FBXL17: variants seen among roughly 807,000 people sequenced by gnomAD.
FBXL17 encodes F-box and leucine rich repeat protein 17, also known as F-box/LRR-repeat protein 17.
In FBXL17, 22 loss-of-function variants were observed where a neutral mutation model predicts 66.2. The ratio of observed to expected loss-of-function variants is 0.33; its 90% CI spans 0.24 to 0.47. The LOEUF is 0.47. Ranked by LOEUF, FBXL17 falls within the 20% of genes least tolerant of loss-of-function variation. FBXL17 has a pLI of 1.00. For missense variants in FBXL17, 878 were observed against 948.2 expected (o/e 0.93, Z 0.97); for synonymous variants, 474 against 400.5 (o/e 1.18, Z -2.19).
At chr5:108,073,508 G>A (rs1397146045) in intron 6 of FBXL17, among the ~76,000 whole-genome samples, 2 of 151,820 alleles carry the variant, frequency 1.3e-5, no homozygotes, top group South Asian at 2.1e-4. Flanking sequence ...ATGAAGAAAC[G>A]AAAAATAACC....
In FBXL17 at chr5:108,009,288, T is replaced by TAGATAGATAG. The variant is rs1294587845; in HGVS notation, c.1822+11636_1822+11637insCTATCTATCT. Among the ~76,000 whole-genome samples the TAGATAGATAG allele has an allele frequency of 2.4e-4, 7 of 28,758 alleles. 1 individual carries two copies. Among genetic ancestry groups the TAGATAGATAG allele is most frequent in the Middle Eastern group, 0.016 (1 of 62 alleles). 18.9% of individuals were successfully genotyped at this position (28,758 alleles called of 152,430 possible). A position where few individuals can be genotyped will look rare whatever the true frequency, so the allele number is the denominator to read the frequency against. On this transcript the variant is annotated intron_variant, in intron 7 of 8. Coordinates refer to ENST00000542267, the MANE Select transcript of FBXL17 (RefSeq NM_001163315.3). ...ATATATATATATATATATATATATA[T>TAGATAGATAG]ATATATATATATACATATATACATA...
chr5:107,870,215 G>A (rs529397680), intron 8 of FBXL17, among the ~76,000 whole-genome samples: 1 of 152,214 alleles, frequency 6.6e-6, no homozygotes, highest in South Asian at 2.1e-4. Flanking sequence ...TTCTGTTCTT[G>A]GGGATCTGAA....
chr5:107,887,259 G>C (rs1206888818), intron 7 of FBXL17, among the ~76,000 whole-genome samples: 1 of 152,182 alleles, frequency 6.6e-6, no homozygotes, highest in Non-Finnish European at 1.5e-5. Context: ...ATAACAAAGT[G>C]AATGAATTAA....
chr5:107,895,719 C>G (rs960238097), intron 7 of FBXL17, among the ~76,000 whole-genome samples: 2 of 151,958 alleles, frequency 1.3e-5, no homozygotes, highest in Non-Finnish European at 2.9e-5. Flanking sequence ...TTTGATTGAC[C>G]GGGGTTGGTT....
At chr5:107,913,665 G>C (rs890919050) in intron 7 of FBXL17, among the ~76,000 whole-genome samples, 2 of 152,104 alleles carry the variant, frequency 1.3e-5, no homozygotes, top group Non-Finnish European at 2.9e-5. Flanking sequence ...GAGGGAGAAA[G>C]GAGCACACTC....
chr5:108,064,554 C>T (rs1380473736), intron 6 of FBXL17, among the ~76,000 whole-genome samples: 1 of 152,168 alleles, frequency 6.6e-6, no homozygotes, highest in Non-Finnish European at 1.5e-5. Context: ...CTAGTCTTAC[C>T]TCTGCACTCC....
chr5:108,346,125 A>G (rs1747264447), intron 4 of FBXL17, among the ~76,000 whole-genome samples: 1 of 152,192 alleles, frequency 6.6e-6, no homozygotes, highest in Non-Finnish European at 1.5e-5. Context: ...CTTCGCAAGT[A>G]TTTAAATATT....
intron 7 of FBXL17, among the ~76,000 whole-genome samples, chr5:107,961,930 T>C (rs1159894489): frequency 6.6e-6 from 1 of 152,176 alleles, no homozygotes; most frequent in Non-Finnish European, 1.5e-5. Flanking sequence ...TTTAAAATGA[T>C]ACTTTTATTT....
chr5:108,029,756 G>A (rs148189195), intron 6 of FBXL17, among the ~76,000 whole-genome samples: 123 of 151,976 alleles, frequency 8.1e-4, no homozygotes, highest in African/African-American at 2.9e-3. Context: ...CAAAAGAAAG[G>A]AAGATAGCTG....
At chr5:107,911,931 T>TA (rs1162037430) in intron 7 of FBXL17, among the ~76,000 whole-genome samples, 1 of 152,100 alleles carries the variant, frequency 6.6e-6, no homozygotes, top group Non-Finnish European at 1.5e-5. Flanking sequence ...TATACTTCAC[T>TA]AGTAATAAGG....
At chr5:108,031,332 G>T (rs1387765630) in intron 6 of FBXL17, among the ~76,000 whole-genome samples, 1 of 152,074 alleles carries the variant, frequency 6.6e-6, no homozygotes, top group African/African-American at 2.4e-5. Context: ...GAAAGGCAAT[G>T]AGGGTAAAAA....
At chr5:108,283,241 A>AT (rs1274982846) in intron 4 of FBXL17, among the ~76,000 whole-genome samples, 5 of 151,910 alleles carry the variant, frequency 3.3e-5, no homozygotes, top group Non-Finnish European at 7.4e-5. Context: ...ACATTAGCTG[A>AT]TATCAAATTA....
chr5:107,872,832 G>A (rs1339107858), intron 8 of FBXL17, among the ~76,000 whole-genome samples: 2 of 152,210 alleles, frequency 1.3e-5, no homozygotes, highest in African/African-American at 2.4e-5. Flanking sequence ...TTACAGATGA[G>A]GGAATGGCGG....
At chr5:107,946,141 T>A (rs1219541442) in intron 7 of FBXL17, among the ~76,000 whole-genome samples, 1 of 150,196 alleles carries the variant, frequency 6.7e-6, no homozygotes, top group Admixed American at 6.7e-5. Flanking sequence ...TGGCTAGTAA[T>A]AGGGTTAAGA....
intron 3 of FBXL17, among the ~76,000 whole-genome samples, chr5:108,352,901 G>A (rs941325428): frequency 6.6e-6 from 1 of 152,180 alleles, no homozygotes; most frequent in African/African-American, 2.4e-5. Context: ...GAAATCCTGT[G>A]AAGTGCCCTG....
rs374740323 is a variant in FBXL17 at position 108,304,157 on chromosome 5, G to A, written c.1506+44242C>T. ...ATCTATGATGGGCATTAAACACTTTGATAGTTGTTTTAAATAAATTCGCAG... is the reference window on the plus strand; with the variant it reads ...ATCTATGATGGGCATTAAACACTTTAATAGTTGTTTTAAATAAATTCGCAG... On this transcript the variant is annotated intron_variant, in intron 4 of 8. Transcript: ENST00000542267. Among the ~76,000 whole-genome samples, 35 of 152,034 alleles carry A rather than the reference G, an allele frequency of 2.3e-4. No homozygotes were observed. In the South Asian group the frequency reaches 7.0e-3, roughly 31 times the overall value.
At chr5:108,043,934 CTTCT>C (rs1350922171) in intron 6 of FBXL17, among the ~76,000 whole-genome samples, 1 of 152,078 alleles carries the variant, frequency 6.6e-6, no homozygotes, top group Non-Finnish European at 1.5e-5. Flanking sequence ...CATTGGTTTA[CTTCT>C]TTATTTTTTA....
At chr5:107,923,983 G>A (rs548224896) in intron 7 of FBXL17, among the ~76,000 whole-genome samples, 28 of 152,044 alleles carry the variant, frequency 1.8e-4, no homozygotes, top group Middle Eastern at 3.4e-3. Flanking sequence ...GGCAATGTGG[G>A]GCTAGGAGAG....
chr5:107,975,030 A>G (rs1752525018), intron 7 of FBXL17, among the ~76,000 whole-genome samples: 2 of 152,178 alleles, frequency 1.3e-5, no homozygotes, highest in African/African-American at 4.8e-5. Context: ...CCTGCCCTAG[A>G]CGAGAGTCCT....
Sources: allele counts gnomAD v4.1 joint callset (sites outside exome capture counted in the v4.1 genomes callset), GRCh38; gene constraint gnomAD v4.1.1; transcripts MANE v1.5; gene names NCBI Gene and HGNC (gene_info 2026-07-23, HGNC 2026-07-21).